ST18: variants seen among roughly 807,000 people sequenced by gnomAD.
ST18 encodes the protein ST18 C2H2C-type zinc finger transcription factor.
A neutral mutation model predicts 110.0 loss-of-function variants in ST18; 50 were observed. That is an observed-to-expected ratio of 0.45 (90% CI 0.36 to 0.58). ST18 has a LOEUF of 0.58. Among genes scored for constraint, ST18 ranks in the 20% least tolerant of loss-of-function variants. The probability of loss-of-function intolerance (pLI) is 0.00; values close to 1 mark genes in which losing one functional copy is unlikely to be tolerated. For synonymous variants in ST18, 461 were observed against 452.4 expected, an observed-to-expected ratio of 1.02 and a Z score of -0.24; for missense variants, 1,306 against 1,280.1, an observed-to-expected ratio of 1.02 and a Z score of -0.31.
chr8:52,204,797 GA>G (rs1314922402), intron 8 of ST18, among the ~76,000 whole-genome samples: 8 of 152,174 alleles, frequency 5.3e-5, no homozygotes, highest in Admixed American at 5.2e-4. Flanking sequence ...CACAGTTTTA[GA>G]AGATGTCTGA....
chr8:52,329,040 T>G lies in ST18; in HGVS notation c.-465+80288A>C, dbSNP rs542301820. 3.3e-5 allele frequency among the ~76,000 whole-genome samples: 5 copies of G among 152,316 alleles called. No homozygotes were observed. The South Asian group carries it at 1.0e-3, about 32-fold the overall frequency. On this transcript the variant is annotated intron_variant, in intron 2 of 25. Transcript: ENST00000689386. The stretch of plus-strand genomic sequence containing the variant: ...GCCCTGAGGATTCATTTATTTCAGT[T>G]CATTTTAAAATTTGGTATTAATTCT...
At chr8:52,213,042 C>T (rs567159490) in intron 7 of ST18, among the ~76,000 whole-genome samples, 8 of 151,876 alleles carry the variant, frequency 5.3e-5, no homozygotes, top group South Asian at 2.1e-4. Context: ...AAGTTTGCTC[C>T]GTAAAAAAGC....
chr8:52,328,988 C>G (rs1807828845), intron 2 of ST18, among the ~76,000 whole-genome samples: 1 of 152,108 alleles, frequency 6.6e-6, no homozygotes, highest in South Asian at 2.1e-4. Flanking sequence ...AGCCATATTT[C>G]CTTGGTTCTC....
chr8:52,318,828 C>A (rs2096073459), intron 2 of ST18, among the ~76,000 whole-genome samples: 1 of 150,912 alleles, frequency 6.6e-6, no homozygotes, highest in Admixed American at 6.6e-5. Context: ...AACAGAAAAC[C>A]AAATACTGCG....
rs1260704695 is a variant in ST18, at chr8:52,116,435, T to A, written c.2860-17A>T. ...AGATGTGATCTACAACAGAAATAAC[T>A]TGGGAATGTGAGTAGTGGAGTTTGG... On this transcript the variant is annotated splice_polypyrimidine_tract_variant and intron_variant, in intron 24 of 25. Coordinates refer to ENST00000689386, the MANE Select transcript of ST18 (RefSeq NM_001352837.2). The A allele has an allele frequency of 1.2e-6, 2 of 1,607,288 alleles. No homozygotes were observed. Among genetic ancestry groups the A allele is most frequent in the African/African-American group, 2.7e-5 (2 of 74,716 alleles).
chr8:52,137,117 G>T (rs2052749802), intron 18 of ST18, among the ~76,000 whole-genome samples: 2 of 152,158 alleles, frequency 1.3e-5, no homozygotes, highest in African/African-American at 4.8e-5. Context: ...TCGGGCAAAT[G>T]GTCGATTTGA....
intron 2 of ST18, among the ~76,000 whole-genome samples, chr8:52,289,229 C>T (rs1564422125): frequency 6.6e-6 from 1 of 152,138 alleles, no homozygotes; most frequent in Non-Finnish European, 1.5e-5. Flanking sequence ...TGCCTATGAT[C>T]CCAGCAATTT....
intron 2 of ST18, among the ~76,000 whole-genome samples, chr8:52,353,210 T>C (rs1331703008): frequency 6.6e-6 from 1 of 152,200 alleles, no homozygotes; most frequent in Non-Finnish European, 1.5e-5. Flanking sequence ...AATAATACCA[T>C]TTATTGAACA....
chr8:52,263,519 T>C (rs984409503), intron 2 of ST18, among the ~76,000 whole-genome samples: 1 of 152,212 alleles, frequency 6.6e-6, no homozygotes, highest in Non-Finnish European at 1.5e-5. Flanking sequence ...CATTTTTAAC[T>C]ATTGTTATGA....
intron 2 of ST18, among the ~76,000 whole-genome samples, chr8:52,265,495 G>A (rs143896481): frequency 0.011 from 1,684 of 152,350 alleles, 32 homozygotes; most frequent in African/African-American, 0.038. Context: ...CCAATGAAAT[G>A]ACATTGAAAC....
At chr8:52,240,419 C>T (rs2093283383) in intron 2 of ST18, among the ~76,000 whole-genome samples, 1 of 152,116 alleles carries the variant, frequency 6.6e-6, no homozygotes, top group Non-Finnish European at 1.5e-5. Flanking sequence ...ATAGTCTTAA[C>T]ATCTCATCCG....
intron 2 of ST18, among the ~76,000 whole-genome samples, chr8:52,246,002 C>T (rs940942063): frequency 1.3e-5 from 2 of 151,994 alleles, no homozygotes; most frequent in Non-Finnish European, 2.9e-5. Context: ...CCTAACAGAA[C>T]AAATGTTCTG....
chr8:52,192,295 G>A (rs2074782149), intron 8 of ST18, among the ~76,000 whole-genome samples: 1 of 152,194 alleles, frequency 6.6e-6, no homozygotes, highest in Non-Finnish European at 1.5e-5. Context: ...AACTGAACTT[G>A]ATTGGAACTG....
At chr8:52,367,688 C>T (rs141263023) in intron 2 of ST18, among the ~76,000 whole-genome samples, 3 of 152,254 alleles carry the variant, frequency 2.0e-5, no homozygotes, top group Non-Finnish European at 2.9e-5. Context: ...GGTTTGGTCC[C>T]ATCTCTTGGA....
At chr8:52,216,096 C>T (rs932929103) in intron 6 of ST18, among the ~76,000 whole-genome samples, 12 of 152,342 alleles carry the variant, frequency 7.9e-5, no homozygotes, top group Admixed American at 3.3e-4. Context: ...GGATGAACTC[C>T]GTGAGTTTCT....
intron 2 of ST18, among the ~76,000 whole-genome samples, chr8:52,294,997 A>G (rs1338428382): frequency 1.3e-5 from 2 of 152,220 alleles, no homozygotes; most frequent in East Asian, 3.8e-4. Context: ...TGTAAGATGA[A>G]CTTAGAATGA....
chr8:52,335,491 G>T (rs1811608698), intron 2 of ST18, among the ~76,000 whole-genome samples: 1 of 152,130 alleles, frequency 6.6e-6, no homozygotes, highest in African/African-American at 2.4e-5. Context: ...TACATAATAA[G>T]ATATCTTGGG....
intron 10 of ST18, among the ~76,000 whole-genome samples, chr8:52,169,497 T>C (rs548295018): frequency 1.3e-5 from 2 of 152,302 alleles, no homozygotes; most frequent in African/African-American, 4.8e-5. Flanking sequence ...TGCTGACTCA[T>C]CTGAAAGCTG....
At chr8:52,380,609 T>C (rs1468387875) in intron 2 of ST18, among the ~76,000 whole-genome samples, 1 of 152,026 alleles carries the variant, frequency 6.6e-6, no homozygotes, top group Non-Finnish European at 1.5e-5. Flanking sequence ...TAGAGGCAAA[T>C]CCCAATCTCA....
Sources: gnomAD v4.1 joint callset for allele counts (sites outside exome capture counted in the v4.1 genomes callset) on GRCh38, gnomAD v4.1.1 for gene constraint, MANE v1.5 for transcripts, NCBI Gene and HGNC (gene_info 2026-07-23, HGNC 2026-07-21) for gene names.